The following FSTL5 variants were observed in gnomAD, a reference collection of about 807,000 sequenced individuals.
FSTL5 encodes the protein follistatin like 5.
Under a neutral mutation model 89.1 loss-of-function variants are expected in FSTL5, and 62 were observed. The ratio of observed to expected loss-of-function variants is 0.70; its 90% CI spans 0.57 to 0.86. FSTL5 has a LOEUF of 0.86. Among genes scored for constraint, FSTL5 ranks in the 40% least tolerant of loss-of-function variants. FSTL5 has a pLI of 0.00. For synonymous variants in FSTL5, 383 were observed against 346.2 expected (o/e 1.11, Z -1.18); for missense variants, 1,057 against 1,001.6 (o/e 1.06, Z -0.75).
At chr4:161,494,346 T>C (rs1729992212) in intron 12 of FSTL5, among the ~76,000 whole-genome samples, 1 of 152,154 alleles carries the variant, frequency 6.6e-6, no homozygotes, top group Admixed American at 6.6e-5. Flanking sequence ...GGAAATGAAT[T>C]GTTTGCATCA....
intron 2 of FSTL5, among the ~76,000 whole-genome samples, chr4:162,049,296 C>A (rs1292472081): frequency 6.6e-6 from 1 of 152,188 alleles, no homozygotes; most frequent in East Asian, 1.9e-4. Context: ...CTCTTTACAT[C>A]AGGAATGTAA....
chr4:162,060,409 T>C (rs912290653), intron 2 of FSTL5, among the ~76,000 whole-genome samples: 13 of 152,118 alleles, frequency 8.5e-5, no homozygotes, highest in African/African-American at 1.2e-4. Context: ...TTTTAGAGCA[T>C]TTTGCTTAGT....
At chr4:162,092,662 T>C (rs998646902) in intron 2 of FSTL5, among the ~76,000 whole-genome samples, 1 of 151,958 alleles carries the variant, frequency 6.6e-6, no homozygotes, top group Non-Finnish European at 1.5e-5. Flanking sequence ...ATTCAAAAGA[T>C]AGCTGAGGCC....
chr4:161,811,391 T>C (rs1235873387), intron 4 of FSTL5, among the ~76,000 whole-genome samples: 2 of 152,324 alleles, frequency 1.3e-5, no homozygotes, highest in Admixed American at 1.3e-4. Context: ...TTCATGTAGA[T>C]GCCGAGCATT....
At chr4:161,926,480 T>C (rs927786174) in intron 3 of FSTL5, among the ~76,000 whole-genome samples, 82 of 151,348 alleles carry the variant, frequency 5.4e-4, no homozygotes, top group African/African-American at 1.9e-3. Context: ...TCCAGGTAAT[T>C]TGCACCCATC....
At chr4:161,791,017 CA>C (rs1729452139) in intron 4 of FSTL5, among the ~76,000 whole-genome samples, 1 of 151,848 alleles carries the variant, frequency 6.6e-6, no homozygotes, top group African/African-American at 2.4e-5. Flanking sequence ...AGAGACAAAA[CA>C]GCAAGATGCA....
intron 6 of FSTL5, among the ~76,000 whole-genome samples, chr4:161,697,821 A>C (rs997950380): frequency 6.6e-6 from 1 of 152,138 alleles, no homozygotes; most frequent in Non-Finnish European, 1.5e-5. Context: ...GATGAAACAA[A>C]TCTCTAGAGC....
chr4:162,113,015 A>G (rs761387611), intron 1 of FSTL5, among the ~76,000 whole-genome samples: 7 of 152,134 alleles, frequency 4.6e-5, no homozygotes, highest in Non-Finnish European at 8.8e-5. Flanking sequence ...GCCATTAAAT[A>G]TTGTGGTTTA....
At chr4:161,775,365 T>A (rs1741369885) in intron 5 of FSTL5, among the ~76,000 whole-genome samples, 1 of 152,144 alleles carries the variant, frequency 6.6e-6, no homozygotes, top group Non-Finnish European at 1.5e-5. Flanking sequence ...TATTTTATAT[T>A]TCTACTACTA....
At chr4:161,568,047 C>G (rs1272529245) in intron 8 of FSTL5, among the ~76,000 whole-genome samples, 2 of 151,602 alleles carry the variant, frequency 1.3e-5, no homozygotes, top group Non-Finnish European at 2.9e-5. Context: ...ACGAGATCAG[C>G]AGTGTTGGCT....
intron 7 of FSTL5, among the ~76,000 whole-genome samples, chr4:161,618,199 C>A (rs1251836029): frequency 2.2e-5 from 3 of 138,916 alleles, no homozygotes; most frequent in Non-Finnish European, 4.6e-5. Context: ...GCTGAAGTTG[C>A]TTATCAGCTT....
intron 3 of FSTL5, among the ~76,000 whole-genome samples, chr4:161,980,771 T>C (rs1036493893): frequency 3.1e-4 from 42 of 135,614 alleles, no homozygotes; most frequent in African/African-American, 1.1e-3. Flanking sequence ...TAACTTTTTT[T>C]TTTTTTTTTT....
chr4:161,660,048 T>C (rs2126685973), intron 6 of FSTL5, among the ~76,000 whole-genome samples: 1 of 152,324 alleles, frequency 6.6e-6, no homozygotes, highest in East Asian at 1.9e-4. Context: ...ACCGAGTGTT[T>C]TGACACACTT....
rs116328719 is a variant in FSTL5 at position 161,695,831 on chromosome 4, T to G, written c.728-39337A>C. Among the ~76,000 whole-genome samples the G allele has an allele frequency of 7.2e-3, 1,098 of 152,186 alleles. 13 individuals carry two copies. Among genetic ancestry groups the G allele is most frequent in the African/African-American group, 0.025 (1,034 of 41,514 alleles). The stretch of plus-strand genomic sequence containing the variant: ...GGGATTTTTTTTCTTGTCGATTTGT[T>G]TGAGTTCCTTATAGATTCTGAATAT... On this transcript the variant is annotated intron_variant, in intron 6 of 15. Coordinates refer to ENST00000306100, the MANE Select transcript of FSTL5 (RefSeq NM_020116.5).
chr4:161,798,770 G>A (rs1038183117), intron 4 of FSTL5, among the ~76,000 whole-genome samples: 2 of 151,616 alleles, frequency 1.3e-5, no homozygotes, highest in African/African-American at 4.8e-5. Flanking sequence ...TCTTAAAGAT[G>A]AGACGAGCCT....
At chr4:161,736,205 A>T (rs1281679124) in intron 6 of FSTL5, among the ~76,000 whole-genome samples, 4 of 152,214 alleles carry the variant, frequency 2.6e-5, no homozygotes, top group Non-Finnish European at 5.9e-5. Context: ...TCTTACAATT[A>T]CCAAAATGAA....
intron 4 of FSTL5, among the ~76,000 whole-genome samples, chr4:161,851,486 G>T (rs1731547571): frequency 6.6e-6 from 1 of 152,016 alleles, no homozygotes. Flanking sequence ...CTTTCGTAAT[G>T]ATAAACTGCC....
intron 4 of FSTL5, among the ~76,000 whole-genome samples, chr4:161,809,572 G>T (rs1013765428): frequency 2.0e-4 from 30 of 152,306 alleles, no homozygotes; most frequent in African/African-American, 7.2e-4. Flanking sequence ...AACAGCCAGA[G>T]GATGAAAGCA....
rs376028556 is a variant in FSTL5, at chr4:161,749,482, A to G, written c.727+9929T>C. On this transcript the variant is annotated intron_variant, in intron 6 of 15. Coordinates refer to ENST00000306100, the MANE Select transcript of FSTL5 (RefSeq NM_020116.5). ...CTCATTTATAAGTGAGAGCTAAACA[A>G]TGGATACACATGGACATAAAGAGAA... Among the ~76,000 whole-genome samples the G allele has an allele frequency of 5.3e-5, 8 of 152,136 alleles. No individual in the cohort carries two copies. The East Asian group carries it at 9.7e-4, about 18-fold the overall frequency.
Sources: allele counts gnomAD v4.1 joint callset (sites outside exome capture counted in the v4.1 genomes callset), GRCh38; gene constraint gnomAD v4.1.1; transcripts MANE v1.5; gene names NCBI Gene and HGNC (gene_info 2026-07-23, HGNC 2026-07-21).